Variants in ACVR1C observed in about 807,000 individuals in gnomAD.
ACVR1C encodes the protein activin A receptor type 1C.
A neutral mutation model predicts 57.9 loss-of-function variants in ACVR1C; 23 were observed. The observed-to-expected ratio is 0.40, with a 90% CI of 0.29 to 0.56. ACVR1C has a LOEUF of 0.56. ACVR1C is among the 20% of genes least tolerant of loss of function. The pLI is 0.50. For synonymous variants in ACVR1C, 214 were observed against 215.3 expected, an observed-to-expected ratio of 0.99 and a Z score of 0.05; for missense variants, 480 against 607.9, an observed-to-expected ratio of 0.79 and a Z score of 2.21.
intron 1 of ACVR1C, among the ~76,000 whole-genome samples, chr2:157,588,815 C>T: frequency 7.1e-6 from 1 of 140,434 alleles, no homozygotes; most frequent in Non-Finnish European, 1.6e-5. Context: ...ATATATGCCA[C>T]ACATATATAC....
At chr2:157,563,178 T>G (rs6744526) in intron 2 of ACVR1C, among the ~76,000 whole-genome samples, 7 of 152,014 alleles carry the variant, frequency 4.6e-5, no homozygotes, top group African/African-American at 1.7e-4. Context: ...GGAAGTCAAA[T>G]TGTCTGTTTG....
intron 2 of ACVR1C, among the ~76,000 whole-genome samples, chr2:157,572,700 T>C (rs1688545555): frequency 6.6e-6 from 1 of 152,222 alleles, no homozygotes. Flanking sequence ...TCAGTGTACT[T>C]GTTTCTGGAG....
chr2:157,587,003 T>C (rs149442831), intron 2 of ACVR1C, among the ~76,000 whole-genome samples, 184 bp downstream of exon 2: 1 of 152,156 alleles, frequency 6.6e-6, no homozygotes. Context: ...TTGACAATGA[T>C]GTGCAATTTT....
intron 4 of ACVR1C, among the ~76,000 whole-genome samples, chr2:157,544,880 A>G (rs1235764644): frequency 6.6e-6 from 1 of 152,178 alleles, no homozygotes; most frequent in Non-Finnish European, 1.5e-5. Context: ...CTCCTTTCTT[A>G]TTTCCTCTGT....
At chr2:157,628,274 C>T (rs1682948834) in intron 1 of ACVR1C, among the ~76,000 whole-genome samples, 1 of 152,172 alleles carries the variant, frequency 6.6e-6, no homozygotes, top group Non-Finnish European at 1.5e-5. Flanking sequence ...CCGCTGCAAA[C>T]TGCCCACAAA....
intron 4 of ACVR1C, 118 bp from the exon 5 acceptor site, chr2:157,544,730 G>T: frequency 1.3e-6 from 1 of 794,542 alleles, no homozygotes; most frequent in Non-Finnish European, 1.9e-6. Flanking sequence ...TTGCTTCAGT[G>T]GTAATGCTTA....
chr2:157,619,187 C>A (rs1205703125), intron 1 of ACVR1C, among the ~76,000 whole-genome samples: 1 of 151,080 alleles, frequency 6.6e-6, no homozygotes, highest in African/African-American at 2.4e-5. Context: ...TAAATGAAAT[C>A]ATGTAGATTC....
intron 4 of ACVR1C, among the ~76,000 whole-genome samples, chr2:157,549,466 C>T (rs972964702): frequency 6.6e-6 from 1 of 152,084 alleles, no homozygotes; most frequent in Non-Finnish European, 1.5e-5. Context: ...GTAAAACTGG[C>T]GTGGCAGAGT....
In ACVR1C at chr2:157,544,616, A is replaced by T. The variant is rs1225422599; in HGVS notation, c.776-4T>A. The T allele has an allele frequency of 1.9e-6, 3 of 1,602,878 alleles. No homozygotes were observed. The highest frequency in any genetic ancestry group is 4.5e-5 in the East Asian group (2 of 44,804). On this transcript the variant is annotated splice_region_variant and splice_polypyrimidine_tract_variant and intron_variant, in intron 4 of 8. Transcript: ENST00000243349. ...AGTTGAGTCCAAGTTCCATTATCTA[A>T]CAAGAAAATGTAATTTTGTTGTTGT...
chr2:157,538,586 CA>C lies in ACVR1C; in HGVS notation c.1342del (p.Trp448GlyfsTer13). 1 of 1,562,322 alleles carries C rather than the reference CA, an allele frequency of 6.4e-7. No individual in the cohort carries two copies. The highest frequency in any genetic ancestry group is 8.6e-7 in the Non-Finnish European group (1 of 1,157,340). ...QKFRPSIPNQ[W>X]QSCEALRVMG... ...ACATGGCCTTACTTCACAACTTTGC[CA>C]CTGGTTTGGGATACTTGGTCGAAAC... On this transcript the variant is annotated frameshift_variant, in exon 8 of 9. Transcript: ENST00000243349. LOFTEE classifies it high-confidence loss of function.
At chr2:157,591,193 T>C (rs1689048933) in intron 1 of ACVR1C, among the ~76,000 whole-genome samples, 4 of 151,950 alleles carry the variant, frequency 2.6e-5, no homozygotes, top group Admixed American at 2.0e-4. Flanking sequence ...CTCTTTCCGC[T>C]CTGTCAAGAG....
At chr2:157,563,977 A>AACTC (rs1193784875) in intron 2 of ACVR1C, among the ~76,000 whole-genome samples, 5 of 152,264 alleles carry the variant, frequency 3.3e-5, no homozygotes, top group Non-Finnish European at 7.3e-5. Flanking sequence ...AAGATGGATT[A>AACTC]AAGGCTTAAA....
chr2:157,546,878 A>T (rs1426573331), intron 4 of ACVR1C, among the ~76,000 whole-genome samples: 1 of 151,840 alleles, frequency 6.6e-6, no homozygotes, highest in Non-Finnish European at 1.5e-5. Context: ...CAGGTTAGTT[A>T]CATATGTAGA....
chr2:157,577,346 CAG>C (rs1187554260), intron 2 of ACVR1C, among the ~76,000 whole-genome samples: 4 of 152,024 alleles, frequency 2.6e-5, no homozygotes, highest in Non-Finnish European at 4.4e-5. Context: ...ATTACCAAGA[CAG>C]TGGTATGCTG....
chr2:157,538,607 C>T lies in ACVR1C; in HGVS notation c.1322G>A (p.Arg441Gln), dbSNP rs771611279. Residue 441 changes from arginine (R) to glutamine (Q), a missense_variant, in exon 8 of 9, where the codon CGA becomes CAA. Physicochemically the swap from Arg to Gln is conservative, Grantham distance 43 (BLOSUM62 1). Coordinates refer to ENST00000243349, the MANE Select transcript of ACVR1C (RefSeq NM_145259.3). ...MRKVVCDQKF[R>Q]PSIPNQWQSC... ...TTGCCACTGGTTTGGGATACTTGGTCGAAACTTCTGGTCACAAACAACCTT... is the reference window on the plus strand; with the variant it reads ...TTGCCACTGGTTTGGGATACTTGGTTGAAACTTCTGGTCACAAACAACCTT... 7.6e-6 allele frequency: 12 copies of T among 1,578,920 alleles called. No individual in the cohort carries two copies. Among genetic ancestry groups the T allele is most frequent in the Non-Finnish European group, 9.5e-6 (11 of 1,163,176 alleles).
intron 2 of ACVR1C, among the ~76,000 whole-genome samples, chr2:157,581,979 T>A (rs1688801850): frequency 6.6e-6 from 1 of 152,158 alleles, no homozygotes; most frequent in African/African-American, 2.4e-5. Context: ...ACTAGCTTCA[T>A]CATCCAGTGC....
chr2:157,588,848 C>CATATATATATATATGTATATATATAT (rs1553484218), intron 1 of ACVR1C, among the ~76,000 whole-genome samples: 1 of 89,094 alleles, frequency 1.1e-5, no homozygotes, highest in African/African-American at 3.9e-5. Context: ...ACAAACACAC[C>CATATATATATATATGTATATATATAT]ATATATATAT....
At position 157,534,041 on chromosome 2, in the gene ACVR1C, T is replaced by A. The variant is rs1300435641; in HGVS notation, c.1359A>T (p.Ala453=). The A allele has an allele frequency of 1.3e-6, 2 of 1,553,228 alleles. No homozygotes were observed. Among genetic ancestry groups the A allele is most frequent in the Non-Finnish European group, 1.7e-6 (2 of 1,156,680 alleles). ...GCATTATTCTCCCCATGACTCGGAGTGCCTTTAAGAGAGAAAAAAAAAATC... is the reference window on the plus strand; with the variant it reads ...GCATTATTCTCCCCATGACTCGGAGAGCCTTTAAGAGAGAAAAAAAAAATC... ...SIPNQWQSCE[A]LRVMGRIMRE... Residue 453 remains alanine (A), a splice_region_variant and synonymous_variant, in exon 9 of 9, where the codon GCA becomes GCT. Transcript: ENST00000243349.
intron 1 of ACVR1C, among the ~76,000 whole-genome samples, chr2:157,618,805 A>C (rs552358060): frequency 6.6e-6 from 1 of 151,910 alleles, no homozygotes; most frequent in African/African-American, 2.4e-5. Context: ...ACCAGGGATA[A>C]AGTAGGAGTT....
Sources: allele counts gnomAD v4.1 joint callset (sites outside exome capture counted in the v4.1 genomes callset), GRCh38; gene constraint gnomAD v4.1.1; transcripts MANE v1.5; gene names NCBI Gene and HGNC (gene_info 2026-07-23, HGNC 2026-07-21).